CHD9: variants seen among roughly 807,000 people sequenced by gnomAD.
CHD9 encodes chromodomain helicase DNA binding protein 9, also known as ATP-dependent chromatin remodeler CHD9.
A neutral mutation model predicts 316.1 loss-of-function variants in CHD9; 77 were observed. That is an observed-to-expected ratio of 0.24 (90% CI 0.20 to 0.29). The LOEUF is 0.29. Ranked by LOEUF, CHD9 falls within the 10% of genes least tolerant of loss-of-function variation. CHD9 has a pLI of 1.00. For synonymous variants in CHD9, 1,129 were observed against 1,158.3 expected, an observed-to-expected ratio of 0.97 and a Z score of 0.51; for missense variants, 2,763 against 3,438.1, an observed-to-expected ratio of 0.80 and a Z score of 4.91.
rs577677569 is a variant in CHD9 at position 53,238,897 on chromosome 16, G to T, written c.2877+311G>T. Among the ~76,000 whole-genome samples the T allele has an allele frequency of 4.7e-4, 72 of 152,134 alleles. 2 individuals are homozygous for T. The South Asian group carries it at 0.013, about 28-fold the overall frequency. On this transcript the variant is annotated intron_variant, in intron 12 of 38. Transcript: ENST00000447540. ...ACTAATTGTTTTTAAATACACATTA[G>T]ATTTATTTTTAGGGTATTAACTGTC...
rs1376041556 is a variant in CHD9 at position 53,315,053 on chromosome 16, C to T, written c.7584+9C>T. 1.9e-6 allele frequency: 3 copies of T among 1,584,482 alleles called. No individual in the cohort carries two copies. Among genetic ancestry groups the T allele is most frequent in the African/African-American group, 1.4e-5 (1 of 74,016 alleles). The stretch of plus-strand genomic sequence containing the variant: ...TGGGAGCTTTTATTCCTGTAGGTGA[C>T]ACCTTAAAATTCTTGTTATATTTTA... On this transcript the variant is annotated intron_variant, in intron 36 of 38. Transcript: ENST00000447540.
intron 3 of CHD9, among the ~76,000 whole-genome samples, chr16:53,220,716 T>C (rs2047164933): frequency 6.6e-6 from 1 of 152,232 alleles, no homozygotes. Flanking sequence ...GCCCTTAAAA[T>C]GTGAACTCTT....
intron 2 of CHD9, among the ~76,000 whole-genome samples, chr16:53,158,917 G>A (rs2041716746): frequency 6.6e-6 from 1 of 152,062 alleles, no homozygotes; most frequent in African/African-American, 2.4e-5. Context: ...GATTATAGAC[G>A]TGAGACACTC....
intron 2 of CHD9, among the ~76,000 whole-genome samples, chr16:53,189,126 T>TG (rs2044281620): frequency 1.3e-5 from 2 of 152,246 alleles, no homozygotes; most frequent in African/African-American, 4.8e-5. Flanking sequence ...TTTTATTTCT[T>TG]GCTTTCCAAT....
chr16:53,199,873 T>C (rs1388162639), intron 2 of CHD9, among the ~76,000 whole-genome samples: 1 of 152,232 alleles, frequency 6.6e-6, no homozygotes, highest in Non-Finnish European at 1.5e-5. Context: ...TTGAAGGAGC[T>C]GTAAATGGCC....
chr16:53,130,706 A>AC (rs1441027205), intron 1 of CHD9, among the ~76,000 whole-genome samples: 2 of 150,596 alleles, frequency 1.3e-5, no homozygotes, highest in Non-Finnish European at 3.0e-5. Flanking sequence ...CGGAGCAACG[A>AC]CCCCGCCTCG....
chr16:53,283,876 ACTTC>A (rs1484707140), intron 24 of CHD9, among the ~76,000 whole-genome samples: 2 of 152,080 alleles, frequency 1.3e-5, no homozygotes, highest in African/African-American at 2.4e-5. Context: ...CTCTTCATCC[ACTTC>A]CTTATGCTTC....
At chr16:53,177,525 T>C (rs1020782753) in intron 2 of CHD9, among the ~76,000 whole-genome samples, 1 of 152,210 alleles carries the variant, frequency 6.6e-6, no homozygotes, top group Non-Finnish European at 1.5e-5. Flanking sequence ...TTTTTAATTT[T>C]TCAGTTGGAG....
At chr16:53,138,445 T>G (rs2039876644) in intron 1 of CHD9, among the ~76,000 whole-genome samples, 1 of 152,188 alleles carries the variant, frequency 6.6e-6, no homozygotes, top group Non-Finnish European at 1.5e-5. Flanking sequence ...CATGTCGTAT[T>G]AAACTACTTT....
intron 2 of CHD9, among the ~76,000 whole-genome samples, chr16:53,163,832 A>C (rs1355276496): frequency 6.6e-6 from 1 of 152,226 alleles, no homozygotes; most frequent in Non-Finnish European, 1.5e-5. Context: ...AAAAATTAGA[A>C]TAGGTAAGAC....
intron 19 of CHD9, among the ~76,000 whole-genome samples, chr16:53,261,834 T>A (rs560346434): frequency 3.3e-5 from 5 of 152,320 alleles, no homozygotes; most frequent in African/African-American, 1.2e-4. Context: ...ATATGTATCA[T>A]TAAAAATAAA....
At chr16:53,148,079 C>T (rs2040780444) in intron 1 of CHD9, among the ~76,000 whole-genome samples, 1 of 151,794 alleles carries the variant, frequency 6.6e-6, no homozygotes, top group South Asian at 2.1e-4. Flanking sequence ...TGGTGGTGGG[C>T]GCCTGTAAGC....
intron 2 of CHD9, among the ~76,000 whole-genome samples, chr16:53,172,945 G>C (rs1201389887): frequency 2.0e-5 from 3 of 152,040 alleles, no homozygotes; most frequent in African/African-American, 4.8e-5. Flanking sequence ...CAGTCTGTGG[G>C]TTGCCTTTTT....
chr16:53,075,427 A>G (rs2034441527), intron 1 of CHD9, among the ~76,000 whole-genome samples: 1 of 152,148 alleles, frequency 6.6e-6, no homozygotes, highest in East Asian at 1.9e-4. Flanking sequence ...TGGAGGGGCC[A>G]GGGGCGGAAT....
intron 19 of CHD9, among the ~76,000 whole-genome samples, chr16:53,262,772 A>G (rs928309392): frequency 7.2e-5 from 11 of 152,288 alleles, no homozygotes; most frequent in Admixed American, 2.0e-4. Flanking sequence ...AACAGTAATA[A>G]CTTATTTAAT....
chr16:53,315,921 C>T (rs1220238285), intron 36 of CHD9, among the ~76,000 whole-genome samples: 1 of 152,132 alleles, frequency 6.6e-6, no homozygotes, highest in African/African-American at 2.4e-5. Flanking sequence ...CTTCTATGCC[C>T]CTCCAGATGC....
intron 1 of CHD9, among the ~76,000 whole-genome samples, chr16:53,142,211 G>A (rs1336375005): frequency 6.6e-6 from 1 of 152,094 alleles, no homozygotes; most frequent in East Asian, 1.9e-4. Flanking sequence ...TTTATAGGTC[G>A]ATGAGAGGGA....
chr16:53,120,597 G>C (rs1404694862), intron 1 of CHD9, among the ~76,000 whole-genome samples: 1 of 150,440 alleles, frequency 6.6e-6, no homozygotes, highest in Admixed American at 6.6e-5. Context: ...TGGGCAACAA[G>C]AGTGAAACTC....
intron 1 of CHD9, among the ~76,000 whole-genome samples, chr16:53,068,854 T>A (rs1159580100): frequency 6.6e-6 from 1 of 152,232 alleles, no homozygotes; most frequent in Non-Finnish European, 1.5e-5. Context: ...GGGCAGCCTC[T>A]GTGGGCCGAA....
Sources: gnomAD v4.1 joint callset for allele counts (sites outside exome capture counted in the v4.1 genomes callset) on GRCh38, gnomAD v4.1.1 for gene constraint, MANE v1.5 for transcripts, NCBI Gene and HGNC (gene_info 2026-07-23, HGNC 2026-07-21) for gene names.